Variants in PPP1R13B observed in about 807,000 individuals in gnomAD.
PPP1R13B encodes apoptosis-stimulating of p53 protein 1.
In PPP1R13B, 44 loss-of-function variants were observed where a neutral mutation model predicts 119.8. That is an observed-to-expected ratio of 0.37 (90% confidence interval 0.29 to 0.47). PPP1R13B has a LOEUF of 0.47. PPP1R13B is among the 20% of genes least tolerant of loss of function. The probability of loss-of-function intolerance (pLI) is 0.99; values close to 1 mark genes in which losing one functional copy is unlikely to be tolerated. For missense variants in PPP1R13B, 1,227 were observed against 1,413.5 expected (o/e 0.87, Z 2.12); for synonymous variants, 542 against 561.5 (o/e 0.97, Z 0.49).
intron 5 of PPP1R13B, 118 bp from the exon 6 acceptor site, chr14:103,754,362 C>G: frequency 1.1e-6 from 1 of 888,326 alleles, no homozygotes. Context: ...GTCAGGAGTT[C>G]GAGACCAGCC....
At chr14:103,810,542 G>A (rs1458230275) in intron 1 of PPP1R13B, among the ~76,000 whole-genome samples, 3 of 152,116 alleles carry the variant, frequency 2.0e-5, no homozygotes. Context: ...GGGAGGCCAA[G>A]GCAGGCGGAT....
At chr14:103,800,687 A>T (rs1567134157) in intron 1 of PPP1R13B, among the ~76,000 whole-genome samples, 1 of 151,430 alleles carries the variant, frequency 6.6e-6, no homozygotes, top group Admixed American at 6.6e-5. Flanking sequence ...AAAAAAAAAG[A>T]TTTTTTTTTC....
chr14:103,776,190 A>AAGGG (rs1491144361), intron 4 of PPP1R13B, among the ~76,000 whole-genome samples: 1 of 48,520 alleles, frequency 2.1e-5, no homozygotes, highest in Non-Finnish European at 3.6e-5. Flanking sequence ...GGGAGGGAGG[A>AAGGG]AGGAAGGAAG....
chr14:103,829,117 G>A (rs911502734), intron 1 of PPP1R13B, among the ~76,000 whole-genome samples: 12 of 152,178 alleles, frequency 7.9e-5, no homozygotes, highest in Non-Finnish European at 1.5e-4. Flanking sequence ...GAGAGAAAGA[G>A]TGGCTTAATT....
intron 8 of PPP1R13B, chr14:103,747,449 C>G (rs555538277): frequency 6.6e-6 from 1 of 152,188 alleles, no homozygotes; most frequent in South Asian, 2.1e-4. Flanking sequence ...GACTAGGTCA[C>G]AGTAACCAGA....
chr14:103,789,641 G>A (rs370224961), intron 2 of PPP1R13B, among the ~76,000 whole-genome samples: 5 of 152,024 alleles, frequency 3.3e-5, no homozygotes, highest in South Asian at 2.1e-4. Flanking sequence ...AGCCTCTTGA[G>A]TAGCTGGGAT....
intron 3 of PPP1R13B, among the ~76,000 whole-genome samples, chr14:103,784,222 A>G (rs1258021747): frequency 6.6e-6 from 1 of 151,832 alleles, no homozygotes; most frequent in African/African-American, 2.4e-5. Flanking sequence ...GTCCCTTTAT[A>G]TGTCTGAGTA....
chr14:103,736,799 GCT>G lies in PPP1R13B; in HGVS notation c.3032-599_3032-598del, dbSNP rs552640898. The G allele has an allele frequency of 3.2e-4, 50 of 154,750 alleles. 1 individual carries two copies. The South Asian group carries it at 5.4e-3, about 17-fold the overall frequency. The allele number at this position is 154,750 out of a possible 1,614,324, so 9.6% of individuals were successfully genotyped here. A position where few individuals can be genotyped will look rare whatever the true frequency, so the allele number is the denominator to read the frequency against. ...ACACAGCCTGAGAGTTTGTTGCTTG[GCT>G]CTGTTGTGGGAGCTTGGGCCAAAGA... On this transcript the variant is annotated intron_variant, in intron 15 of 16. Coordinates refer to ENST00000202556, the MANE Select transcript of PPP1R13B (RefSeq NM_015316.3).
At chr14:103,842,301 C>CT (rs34596421) in intron 1 of PPP1R13B, among the ~76,000 whole-genome samples, 39,508 of 117,910 alleles carry the variant, frequency 0.34, 7,459 homozygotes, top group Non-Finnish European at 0.37. Context: ...AGAGTGCCTT[C>CT]TTTTTTTTTT....
rs192972335 is a variant in PPP1R13B, at chr14:103,768,622, A to G, written c.354+10123T>C. Among the ~76,000 whole-genome samples, 553 of 151,066 alleles carry G rather than the reference A, an allele frequency of 3.7e-3. 5 individuals carry two copies. Among genetic ancestry groups the G allele is most frequent in the African/African-American group, 0.013 (537 of 41,094 alleles). On this transcript the variant is annotated intron_variant, in intron 4 of 16. Transcript: ENST00000202556. ...TAATTTTTGTATTTTTAGTAGCGAC[A>G]GGGTTTCACCATATTGGCCAGGATA...
chr14:103,778,873 A>G, intron 3 of PPP1R13B, 52 bp from the exon 4 acceptor site: 3 of 1,328,910 alleles, frequency 2.3e-6, no homozygotes, highest in South Asian at 1.2e-5. Context: ...GAAAAAAGTA[A>G]TATTCTCCCA....
At chr14:103,820,652 ATTTTT>A (rs35928276) in intron 1 of PPP1R13B, among the ~76,000 whole-genome samples, 5 of 102,594 alleles carry the variant, frequency 4.9e-5, no homozygotes, top group Middle Eastern at 5.6e-3. Context: ...CATGCCCAGG[ATTTTT>A]TTTTTTTTTT....
intron 2 of PPP1R13B, among the ~76,000 whole-genome samples, chr14:103,790,072 C>G (rs1394183239): frequency 6.6e-6 from 1 of 151,562 alleles, no homozygotes; most frequent in Non-Finnish European, 1.5e-5. Context: ...ATGGTAAAAC[C>G]CTGTCTCTAC....
At position 103,740,202 on chromosome 14, in the gene PPP1R13B, C is replaced by T. The variant is rs754770663; in HGVS notation, c.2214G>A (p.Glu738=). Residue 738 remains glutamate (E), a synonymous_variant, in exon 12 of 17, where the codon GAG becomes GAA. Coordinates refer to ENST00000202556, the MANE Select transcript of PPP1R13B (RefSeq NM_015316.3). This position sits in a 1 kb window ranked among gnomAD's most constrained non-coding sequence, Gnocchi z 4.6. ...GGCTGGGCTGGTAGAAAGGGGTGCC[C>T]TCCATGCCACCGGCCAGGGTGTTGA... ...QRFNTLAGGM[E]GTPFYQPSPS... is the part of the protein sequence containing the mutation. 5.0e-6 allele frequency: 8 copies of T among 1,613,702 alleles called. No individual in the cohort carries two copies. The highest frequency in any genetic ancestry group is 6.8e-6 in the Non-Finnish European group (8 of 1,179,988).
chr14:103,740,204 C>G lies in PPP1R13B; in HGVS notation c.2212G>C (p.Glu738Gln), dbSNP rs1254076044. Residue 738 changes from glutamate (E) to glutamine (Q), a missense_variant, in exon 12 of 17, where the codon GAG (glutamate) becomes CAG (glutamine). Transcript: ENST00000202556. This position sits in a 1 kb window ranked among gnomAD's most constrained non-coding sequence, Gnocchi z 4.6. Reference protein sequence around the residue: ...QRFNTLAGGMEGTPFYQPSPS... With the variant: ...QRFNTLAGGMQGTPFYQPSPS... Reference sequence around the variant, plus strand: ...CTGGGCTGGTAGAAAGGGGTGCCCTCCATGCCACCGGCCAGGGTGTTGAAG... The same window carrying G: ...CTGGGCTGGTAGAAAGGGGTGCCCTGCATGCCACCGGCCAGGGTGTTGAAG... 2.5e-6 allele frequency: 4 copies of G among 1,613,704 alleles called. No homozygotes were observed. In the South Asian group the frequency reaches 4.4e-5, roughly 18 times the overall value.
Position 103,742,098 on chromosome 14 carries a change from G to A in PPP1R13B, c.1514C>T (p.Ala505Val). 1.2e-6 allele frequency: 2 copies of A among 1,613,696 alleles called. No homozygotes were observed. The highest frequency in any genetic ancestry group is 1.7e-6 in the Non-Finnish European group (2 of 1,179,974). The change falls in exon 11 of 17, where the codon GCC becomes GTC. Residue 505 changes from alanine (A) to valine (V), a missense_variant. Coordinates refer to ENST00000202556, the MANE Select transcript of PPP1R13B (RefSeq NM_015316.3). This position sits in a 1 kb window ranked among gnomAD's most constrained non-coding sequence, Gnocchi z 4.9. ...GCCTGGCTGGGGGGTGCTGCCTGTG[G>A]CGGGCAGCAGGGTGGGCCTCTGTCG... Reference protein sequence around the residue: ...PSRQRPTLLPATGSTPQPGSS... With the variant: ...PSRQRPTLLPVTGSTPQPGSS...
chr14:103,792,335 G>A (rs1198391711), intron 2 of PPP1R13B, among the ~76,000 whole-genome samples: 14 of 151,996 alleles, frequency 9.2e-5, no homozygotes, highest in Admixed American at 5.3e-4. Context: ...GTGCCACCAC[G>A]CCCAGCTAAT....
At chr14:103,841,571 C>T (rs1595850411) in intron 1 of PPP1R13B, among the ~76,000 whole-genome samples, 1 of 151,822 alleles carries the variant, frequency 6.6e-6, no homozygotes, top group South Asian at 2.1e-4. Flanking sequence ...GCCTGGGCAA[C>T]AGGTCAACAC....
chr14:103,767,854 T>A (rs1017788521), intron 4 of PPP1R13B, among the ~76,000 whole-genome samples: 1 of 152,212 alleles, frequency 6.6e-6, no homozygotes, highest in African/African-American at 2.4e-5. Context: ...AACATCAATC[T>A]TGATAAAGTT....
Sources: gnomAD v4.1 joint callset for allele counts (sites outside exome capture counted in the v4.1 genomes callset) on GRCh38, gnomAD v4.1.1 for gene constraint, Gnocchi (gnomAD v3.1) non-coding constraint, MANE v1.5 for transcripts, NCBI Gene and HGNC (gene_info 2026-07-23, HGNC 2026-07-21) for gene names.